The following OPRK1 variants were observed in gnomAD, a reference collection of about 807,000 sequenced individuals.
The protein encoded by OPRK1 is kappa-type opioid receptor.
OPRK1 carries 15 observed loss-of-function variants against 24.5 expected under a neutral mutation model. That is an observed-to-expected ratio of 0.61 (90% CI 0.41 to 0.94). The LOEUF (loss-of-function observed/expected upper bound fraction) is 0.94, where lower values mean the gene tolerates loss of function less well. OPRK1 is among the 40% of genes least tolerant of loss of function. The probability of loss-of-function intolerance (pLI) is 0.00; values close to 1 mark genes in which losing one functional copy is unlikely to be tolerated. For missense variants in OPRK1, 479 were observed against 507.3 expected (o/e 0.94, Z 0.54); for synonymous variants, 205 against 198.0 (o/e 1.04, Z -0.30).
intron 2 of OPRK1, among the ~76,000 whole-genome samples, chr8:53,241,710 C>A (rs1326698495): frequency 6.6e-6 from 1 of 151,528 alleles, no homozygotes; most frequent in Non-Finnish European, 1.5e-5. Flanking sequence ...CAGGCCCTTG[C>A]AGCTCTCCAG....
Position 53,250,861 on chromosome 8 carries a change from C to A in OPRK1, c.177G>T (p.Pro59=), listed in dbSNP as rs200685346. ...CGGAGTAGACCGCCGTGATGATGAC[C>A]GGGATGGCCGGGGAGATGTGCGCGG... The part of the protein sequence containing the change: ...LEPAHISPAI[P]VIITAVYSVV... The change falls in exon 2 of 4, where the codon CCG becomes CCT. Residue 59 remains proline, a synonymous_variant. Transcript: ENST00000265572. 26 of 1,613,288 alleles carry A rather than the reference C, an allele frequency of 1.6e-5. No individual in the cohort carries two copies. Among genetic ancestry groups the A allele is most frequent in the Non-Finnish European group, 2.1e-5 (25 of 1,179,734 alleles).
rs1806673899 is a variant in OPRK1 at position 53,226,023 on chromosome 8, C to T, written c.*3274G>A. On this transcript the variant is annotated 3_prime_UTR_variant, in exon 4 of 4. Coordinates refer to ENST00000265572, the MANE Select transcript of OPRK1 (RefSeq NM_000912.5). ...ACTTTACAATGTTCCAATTTAAAGT[C>T]AGCCAGTGTGCTCCCTGAATTTGCA... 1 of 152,156 alleles carries T rather than the reference C, an allele frequency of 6.6e-6. No homozygotes were observed. The highest frequency in any genetic ancestry group is 6.5e-5 in the Admixed American group (1 of 15,270). The allele number at this position is 152,156 out of a possible 1,614,324, so 9.4% of individuals were successfully genotyped here.
intron 2 of OPRK1, among the ~76,000 whole-genome samples, chr8:53,239,810 A>G (rs1323910693): frequency 1.3e-5 from 2 of 152,194 alleles, no homozygotes; most frequent in African/African-American, 4.8e-5. Flanking sequence ...TCACAATCCC[A>G]TAAGATATCA....
intron 2 of OPRK1, among the ~76,000 whole-genome samples, chr8:53,249,651 T>C (rs1807321373): frequency 6.6e-6 from 1 of 152,166 alleles, no homozygotes; most frequent in African/African-American, 2.4e-5. Flanking sequence ...AAAATAAAAA[T>C]AAAGCAGTAT....
In OPRK1 at chr8:53,226,031, G is replaced by T. The variant is rs140555056; in HGVS notation, c.*3266C>A. On this transcript the variant is annotated 3_prime_UTR_variant, in exon 4 of 4. Transcript: ENST00000265572. ...ATGTTCCAATTTAAAGTCAGCCAGTGTGCTCCCTGAATTTGCATGAGTCAT... is the reference window on the plus strand; with the variant it reads ...ATGTTCCAATTTAAAGTCAGCCAGTTTGCTCCCTGAATTTGCATGAGTCAT... The T allele has an allele frequency of 1.3e-5, 2 of 152,114 alleles. No individual in the cohort carries two copies. The highest frequency in any genetic ancestry group is 6.5e-5 in the Admixed American group (1 of 15,268). 9.4% of individuals were successfully genotyped at this position (152,114 alleles called of 1,614,324 possible). A position where few individuals can be genotyped will look rare whatever the true frequency, so the allele number is the denominator to read the frequency against.
rs377644310 is a variant in OPRK1, at chr8:53,247,790, G to A, written c.257+2991C>T. Among the ~76,000 whole-genome samples, 7 of 151,918 alleles carry A rather than the reference G, an allele frequency of 4.6e-5. No homozygotes were observed. In the East Asian group the frequency reaches 5.8e-4, roughly 13 times the overall value. On this transcript the variant is annotated intron_variant, in intron 2 of 3. Transcript: ENST00000265572. Reference sequence around the variant, plus strand: ...GCCGGCAGATCACTTGAGATCAGGAGTTTGAGACCAGCCTGCACAACATGG... The same window carrying A: ...GCCGGCAGATCACTTGAGATCAGGAATTTGAGACCAGCCTGCACAACATGG...
Position 53,229,464 on chromosome 8 carries a change from T to C in OPRK1, c.976A>G (p.Asn326Asp). The C allele has an allele frequency of 6.2e-7, 1 of 1,614,212 alleles. No individual in the cohort carries two copies. The highest frequency in any genetic ancestry group is 1.7e-5 in the Admixed American group (1 of 60,028). Residue 326 changes from asparagine (N) to aspartate (D), a missense_variant, in exon 4 of 4, where the codon AAT becomes GAT. Asn to Asp is a conservative substitution (Grantham distance 23). Coordinates refer to ENST00000265572, the MANE Select transcript of OPRK1 (RefSeq NM_000912.5). ...TCAAGAAAGGCGTAGAGAATGGGAT[T>C]CAGGCTACTGTTGGTATAGCCTAAG... ...IALGYTNSSL[N>D]PILYAFLDEN...
Position 53,229,298 on chromosome 8 carries a change from C to A in OPRK1, c.1142G>T (p.Ter381LeuextTer29). 2 of 1,611,722 alleles carry A rather than the reference C, an allele frequency of 1.2e-6. No homozygotes were observed. Among genetic ancestry groups the A allele is most frequent in the South Asian group, 2.2e-5 (2 of 90,702 alleles). Residue 381 changes from the stop codon to leucine, a stop_lost, in exon 4 of 4, where the codon TGA (stop) becomes TTA (leucine). Coordinates refer to ENST00000265572, the MANE Select transcript of OPRK1 (RefSeq NM_000912.5). Reference protein sequence around the residue: ...RDIDGMNKPV* With the variant: ...RDIDGMNKPVL ...GTACGAAGACATCTCCACGACTAGT[C>A]ATACTGGTTTATTCATCCCATCGAT...
At chr8:53,247,271 G>T (rs1807253340) in intron 2 of OPRK1, among the ~76,000 whole-genome samples, 1 of 152,166 alleles carries the variant, frequency 6.6e-6, no homozygotes, top group Non-Finnish European at 1.5e-5. Context: ...GGGAAATGAG[G>T]AGCAGAATGG....
At chr8:53,238,341 G>A (rs1293303008) in intron 2 of OPRK1, among the ~76,000 whole-genome samples, 3 of 152,252 alleles carry the variant, frequency 2.0e-5, no homozygotes, top group Non-Finnish European at 4.4e-5. Flanking sequence ...TGGAGGAGCT[G>A]GAAGTGGGCT....
intron 2 of OPRK1, 93 bp downstream of exon 2, chr8:53,250,688 G>T: frequency 7.5e-7 from 1 of 1,331,648 alleles, no homozygotes; most frequent in Non-Finnish European, 1.0e-6. Flanking sequence ...CCCACCACCT[G>T]GCTGGCTGCC....
chr8:53,247,527 G>A (rs1807260899), intron 2 of OPRK1, among the ~76,000 whole-genome samples: 1 of 152,082 alleles, frequency 6.6e-6, no homozygotes, highest in Non-Finnish European at 1.5e-5. Flanking sequence ...GGAGAAAGTC[G>A]AACGCGTATG....
At chr8:53,240,963 T>C (rs1016510283) in intron 2 of OPRK1, among the ~76,000 whole-genome samples, 1 of 152,142 alleles carries the variant, frequency 6.6e-6, no homozygotes, top group African/African-American at 2.4e-5. Flanking sequence ...TATATGTAAT[T>C]TTTATTTGTC....
At chr8:53,236,599 G>A (rs534438400) in intron 2 of OPRK1, among the ~76,000 whole-genome samples, 1 of 152,266 alleles carries the variant, frequency 6.6e-6, no homozygotes, top group African/African-American at 2.4e-5. Context: ...GTTTTAGATA[G>A]TGACTAAACA....
intron 2 of OPRK1, chr8:53,242,608 G>A (rs61469188): frequency 0.12 from 21,499 of 186,670 alleles, 1,536 homozygotes; most frequent in African/African-American, 0.21. Context: ...CCGGGTTCAC[G>A]CCATTCTCCT....
intron 2 of OPRK1, chr8:53,242,844 T>C (rs1195048796): frequency 1.6e-6 from 2 of 1,273,290 alleles, no homozygotes; most frequent in Admixed American, 2.3e-5. Flanking sequence ...CCTGCCCGGC[T>C]TCACACCAGT....
At chr8:53,231,773 C>T (rs1285131533) in intron 3 of OPRK1, among the ~76,000 whole-genome samples, 1 of 152,124 alleles carries the variant, frequency 6.6e-6, no homozygotes, top group Admixed American at 6.6e-5. Context: ...GAATAACAAA[C>T]CCTCGAAAGT....
chr8:53,238,539 C>T, intron 2 of OPRK1: 1 of 985,352 alleles, frequency 1.0e-6, no homozygotes, highest in Non-Finnish European at 1.2e-6. Context: ...GAGTTGTGAG[C>T]ACCGGGAAGG....
intron 2 of OPRK1, among the ~76,000 whole-genome samples, chr8:53,247,258 G>A (rs946538747): frequency 6.6e-6 from 1 of 152,156 alleles, no homozygotes; most frequent in Non-Finnish European, 1.5e-5. Context: ...GGAGTGGTAT[G>A]GTGGGAAATG....
Sources: gnomAD v4.1 joint callset for allele counts (sites outside exome capture counted in the v4.1 genomes callset) on GRCh38, gnomAD v4.1.1 for gene constraint, MANE v1.5 for transcripts, NCBI Gene and HGNC (gene_info 2026-07-23, HGNC 2026-07-21) for gene names.